Variants in SLC24A3 observed in about 807,000 individuals in gnomAD.
SLC24A3 encodes sodium/potassium/calcium exchanger 3.
A neutral mutation model predicts 75.8 loss-of-function variants in SLC24A3; 28 were observed. The ratio of observed to expected loss-of-function variants is 0.37; its 90% CI spans 0.27 to 0.51. SLC24A3 has a LOEUF of 0.51. Among genes scored for constraint, SLC24A3 ranks in the 20% least tolerant of loss-of-function variants. SLC24A3 has a pLI of 0.94. For synonymous variants in SLC24A3, 372 were observed against 334.1 expected (o/e 1.11, Z -1.24); for missense variants, 663 against 847.8 (o/e 0.78, Z 2.71).
chr20:19,338,340 G>A (rs1985185748), intron 2 of SLC24A3, among the ~76,000 whole-genome samples: 1 of 152,110 alleles, frequency 6.6e-6, no homozygotes, highest in Non-Finnish European at 1.5e-5. Flanking sequence ...GGGCCTGTTG[G>A]CTGGTTGCAT....
chr20:19,230,161 C>T (rs888121555), intron 1 of SLC24A3, among the ~76,000 whole-genome samples: 21 of 151,918 alleles, frequency 1.4e-4, no homozygotes, highest in African/African-American at 4.8e-4. Context: ...AGGTCCAGGC[C>T]GGGGGTGTGC....
intron 6 of SLC24A3, among the ~76,000 whole-genome samples, chr20:19,604,225 G>T (rs566699433): frequency 6.6e-6 from 1 of 151,664 alleles, no homozygotes; most frequent in East Asian, 1.9e-4. Flanking sequence ...ATAGGGGGAC[G>T]TCAGGGCCTA....
At chr20:19,276,080 G>A (rs1202950749) in intron 1 of SLC24A3, among the ~76,000 whole-genome samples, 2 of 152,196 alleles carry the variant, frequency 1.3e-5, no homozygotes, top group East Asian at 3.8e-4. Flanking sequence ...GGAAGCTGGA[G>A]AGGTGAGCGA....
Position 19,413,698 on chromosome 20 carries a change from A to C in SLC24A3, c.272-101790A>C, listed in dbSNP as rs147861557. Reference sequence around the variant, plus strand: ...CTAAAACAGGTAAGCAGAAGGAAAAACATGTCTCTATGACATTCTACCATA... The same window carrying C: ...CTAAAACAGGTAAGCAGAAGGAAAACCATGTCTCTATGACATTCTACCATA... On this transcript the variant is annotated intron_variant, in intron 2 of 16. Transcript: ENST00000328041. Among the ~76,000 whole-genome samples, 285 of 152,314 alleles carry C rather than the reference A, an allele frequency of 1.9e-3. 1 individual carries two copies. The highest frequency in any genetic ancestry group is 6.4e-3 in the African/African-American group (265 of 41,564).
At chr20:19,681,774 A>T in intron 9 of SLC24A3, 84 bp from the exon 10 acceptor site, 1 of 1,603,586 alleles carries the variant, frequency 6.2e-7, no homozygotes, top group South Asian at 1.1e-5. Context: ...AGACTGGGAG[A>T]GCTCTCAGAA....
intron 2 of SLC24A3, among the ~76,000 whole-genome samples, chr20:19,391,069 T>A (rs1447718862): frequency 1.3e-5 from 2 of 152,212 alleles, no homozygotes; most frequent in Non-Finnish European, 2.9e-5. Context: ...GATCAGCGGC[T>A]TTGGGACCAT....
chr20:19,584,033 G>C (rs1177767823), intron 4 of SLC24A3, among the ~76,000 whole-genome samples: 1 of 152,216 alleles, frequency 6.6e-6, no homozygotes, highest in Non-Finnish European at 1.5e-5. Flanking sequence ...GTGCCACTGG[G>C]AAGAGAAGGA....
Position 19,379,698 on chromosome 20 carries a change from C to T in SLC24A3, c.271+98611C>T, listed in dbSNP as rs188225101. Among the ~76,000 whole-genome samples the T allele has an allele frequency of 3.5e-3, 528 of 152,234 alleles. 3 individuals carry two copies. Among genetic ancestry groups the T allele is most frequent in the African/African-American group, 0.012 (484 of 41,532 alleles). On this transcript the variant is annotated intron_variant, in intron 2 of 16. Coordinates refer to ENST00000328041, the MANE Select transcript of SLC24A3 (RefSeq NM_020689.4). ...TATAAAAAATGATTAAATCTCTATA[C>T]AAGCCTCCCCTCCTCCCTCCAGGCC...
At chr20:19,358,314 C>G (rs1985726879) in intron 2 of SLC24A3, among the ~76,000 whole-genome samples, 1 of 152,138 alleles carries the variant, frequency 6.6e-6, no homozygotes, top group East Asian at 1.9e-4. Flanking sequence ...TCAACATCCA[C>G]CCGCGCCACA....
chr20:19,668,320 T>G (rs1015057061), intron 8 of SLC24A3, among the ~76,000 whole-genome samples: 5 of 152,224 alleles, frequency 3.3e-5, no homozygotes, highest in Non-Finnish European at 5.9e-5. Context: ...ACTTCTTCTA[T>G]CTTCTTACCA....
At chr20:19,477,177 C>T (rs1212108818) in intron 2 of SLC24A3, among the ~76,000 whole-genome samples, 2 of 152,042 alleles carry the variant, frequency 1.3e-5, no homozygotes, top group African/African-American at 2.4e-5. Context: ...GCAGGTGGAA[C>T]TCCTAGGACC....
intron 2 of SLC24A3, among the ~76,000 whole-genome samples, chr20:19,370,388 C>T (rs891060089): frequency 1.3e-5 from 2 of 152,198 alleles, no homozygotes; most frequent in Non-Finnish European, 1.5e-5. Context: ...GAATGACATT[C>T]GTGTTTTCAG....
At chr20:19,217,352 G>C (rs184567198) in intron 1 of SLC24A3, among the ~76,000 whole-genome samples, 109 of 152,262 alleles carry the variant, frequency 7.2e-4, no homozygotes, top group African/African-American at 2.6e-3. Flanking sequence ...GATCTGAAGG[G>C]ATCATAACTT....
At chr20:19,629,018 G>GA (rs1379678353) in intron 6 of SLC24A3, among the ~76,000 whole-genome samples, 1 of 151,578 alleles carries the variant, frequency 6.6e-6, no homozygotes, top group East Asian at 1.9e-4. Context: ...CCAATAAAAG[G>GA]AAAAAATAAA....
At chr20:19,329,444 C>A (rs926166806) in intron 2 of SLC24A3, among the ~76,000 whole-genome samples, 9 of 152,152 alleles carry the variant, frequency 5.9e-5, no homozygotes, top group Non-Finnish European at 1.3e-4. Context: ...GTCATTATTC[C>A]TATAGGAAAC....
chr20:19,314,374 CG>C (rs1984533328), intron 2 of SLC24A3, among the ~76,000 whole-genome samples: 1 of 150,372 alleles, frequency 6.7e-6, no homozygotes, highest in African/African-American at 2.5e-5. Context: ...AGTGCAGTGG[CG>C]CAATCTCGGC....
At chr20:19,574,869 T>C (rs572339789) in intron 3 of SLC24A3, among the ~76,000 whole-genome samples, 2 of 152,306 alleles carry the variant, frequency 1.3e-5, no homozygotes, top group South Asian at 4.1e-4. Flanking sequence ...TCCCATACCA[T>C]GCCCTGGGCT....
At chr20:19,263,759 A>G (rs1231299162) in intron 1 of SLC24A3, among the ~76,000 whole-genome samples, 1 of 152,228 alleles carries the variant, frequency 6.6e-6, no homozygotes, top group Admixed American at 6.5e-5. Context: ...TCCAACTTGG[A>G]AAGTTGCAAG....
At chr20:19,567,441 T>C (rs532701283) in intron 3 of SLC24A3, among the ~76,000 whole-genome samples, 21 of 152,238 alleles carry the variant, frequency 1.4e-4, no homozygotes, top group African/African-American at 4.3e-4. Context: ...CACTTACAAG[T>C]GGGAGTTAAA....
Sources: allele counts gnomAD v4.1 joint callset (sites outside exome capture counted in the v4.1 genomes callset), GRCh38; gene constraint gnomAD v4.1.1; transcripts MANE v1.5; gene names NCBI Gene and HGNC (gene_info 2026-07-23, HGNC 2026-07-21).